GMDS: variants seen among roughly 807,000 people sequenced by gnomAD.
The protein encoded by GMDS is GDP-mannose 4,6 dehydratase.
A neutral mutation model predicts 49.9 loss-of-function variants in GMDS; 20 were observed. That is an observed-to-expected ratio of 0.40 (90% CI 0.28 to 0.58). GMDS has a LOEUF of 0.58. Among genes scored for constraint, GMDS ranks in the 20% least tolerant of loss-of-function variants. The pLI is 0.42. For synonymous variants in GMDS, 177 were observed against 178.6 expected (o/e 0.99, Z 0.07); for missense variants, 362 against 481.4 (o/e 0.75, Z 2.32).
At chr6:2,198,156 C>G (rs1440107066) in intron 1 of GMDS, among the ~76,000 whole-genome samples, 1 of 152,122 alleles carries the variant, frequency 6.6e-6, no homozygotes, top group Non-Finnish European at 1.5e-5. Flanking sequence ...CCAGGACCAG[C>G]CAATGAGAAA....
At chr6:1,649,193 C>T (rs1763577716) in intron 9 of GMDS, among the ~76,000 whole-genome samples, 1 of 152,152 alleles carries the variant, frequency 6.6e-6, no homozygotes, top group Non-Finnish European at 1.5e-5. Flanking sequence ...TGGAATAATA[C>T]TGTGATGTAC....
intron 9 of GMDS, among the ~76,000 whole-genome samples, chr6:1,695,528 T>C (rs1289795778): frequency 6.6e-6 from 1 of 152,214 alleles, no homozygotes; most frequent in Non-Finnish European, 1.5e-5. Context: ...ATTTTCTGTA[T>C]GTTATATTGG....
intron 7 of GMDS, among the ~76,000 whole-genome samples, chr6:1,750,472 C>T (rs556090399): frequency 2.4e-4 from 36 of 152,166 alleles, no homozygotes; most frequent in African/African-American, 7.2e-4. Flanking sequence ...ACATGGGAAG[C>T]GCAAGGGGTT....
intron 9 of GMDS, among the ~76,000 whole-genome samples, chr6:1,657,183 T>C (rs954904364): frequency 6.6e-6 from 1 of 152,202 alleles, no homozygotes; most frequent in African/African-American, 2.4e-5. Context: ...ACTAGACTAC[T>C]GACAAGCATG....
chr6:2,154,863 C>A (rs57383016), intron 1 of GMDS, among the ~76,000 whole-genome samples: 10,797 of 65,412 alleles, frequency 0.17, 1,973 homozygotes, highest in African/African-American at 0.47. Flanking sequence ...TGAAGAGATG[C>A]AAAAAAAAAA....
intron 7 of GMDS, among the ~76,000 whole-genome samples, chr6:1,877,827 T>C (rs994243653): frequency 4.6e-5 from 7 of 152,112 alleles, no homozygotes; most frequent in Admixed American, 4.6e-4. Context: ...TTCTGAGAGA[T>C]GCTTCATTTG....
intron 7 of GMDS, among the ~76,000 whole-genome samples, chr6:1,743,569 T>C (rs1460091578): frequency 6.6e-6 from 1 of 151,418 alleles, no homozygotes; most frequent in African/African-American, 2.4e-5. Flanking sequence ...AATGGATGTC[T>C]ATACAGGTTC....
chr6:1,768,621 G>T (rs1239174461), intron 7 of GMDS, among the ~76,000 whole-genome samples: 2 of 152,178 alleles, frequency 1.3e-5, no homozygotes, highest in Non-Finnish European at 2.9e-5. Context: ...TCCAAAATCT[G>T]AACTTTTTGA....
At chr6:2,159,241 G>A (rs1023512138) in intron 1 of GMDS, among the ~76,000 whole-genome samples, 1 of 152,064 alleles carries the variant, frequency 6.6e-6, no homozygotes, top group African/African-American at 2.4e-5. Context: ...GAGGGGTACC[G>A]ACCTCCTGTG....
rs544648 is a variant in GMDS, at chr6:2,061,712, C to T, written c.345+54059G>A. Among the ~76,000 whole-genome samples, 8 of 95,854 alleles carry T rather than the reference C, an allele frequency of 8.3e-5. No individual in the cohort carries two copies. The East Asian group carries it at 2.5e-3, about 30-fold the overall frequency. The allele number at this position is 95,854 out of a possible 152,430, so 62.9% of individuals were successfully genotyped here. The stretch of plus-strand genomic sequence containing the variant: ...CCAGCCTGGGTGACAGTGCAAGACT[C>T]TGTCTCAAAAAAAAAAAAAAAAAAA... On this transcript the variant is annotated intron_variant, in intron 4 of 10. Coordinates refer to ENST00000380815, the MANE Select transcript of GMDS (RefSeq NM_001500.4).
rs234946 is a variant in GMDS at position 2,198,518 on chromosome 6, T to C, written c.102+46803A>G. Among the ~76,000 whole-genome samples the C allele has an allele frequency of 1.6e-3, 240 of 152,024 alleles. 1 individual carries two copies. The highest frequency in any genetic ancestry group is 5.6e-3 in the African/African-American group (232 of 41,458). ...CAAAAGGTCCAAGTTTATATGAGTTTTTAATCATGTTCCAGAGATCACTGG... is the reference window on the plus strand; with the variant it reads ...CAAAAGGTCCAAGTTTATATGAGTTCTTAATCATGTTCCAGAGATCACTGG... On this transcript the variant is annotated intron_variant, in intron 1 of 10. Transcript: ENST00000380815.
At chr6:2,065,471 C>T (rs1404588751) in intron 4 of GMDS, among the ~76,000 whole-genome samples, 4 of 152,102 alleles carry the variant, frequency 2.6e-5, no homozygotes, top group African/African-American at 7.2e-5. Context: ...CAAATTACTC[C>T]GAGTTACAAG....
At chr6:1,806,512 G>A (rs947627078) in intron 7 of GMDS, among the ~76,000 whole-genome samples, 4 of 151,602 alleles carry the variant, frequency 2.6e-5, no homozygotes, top group Non-Finnish European at 5.9e-5. Flanking sequence ...AATGAGACCC[G>A]AGTCTGTAGG....
At chr6:2,067,824 T>A (rs2127455451) in intron 4 of GMDS, among the ~76,000 whole-genome samples, 1 of 152,328 alleles carries the variant, frequency 6.6e-6, no homozygotes, top group East Asian at 1.9e-4. Flanking sequence ...ACAGCCGAAT[T>A]CTACCAGAGG....
chr6:1,770,939 G>T (rs747642948), intron 7 of GMDS, among the ~76,000 whole-genome samples: 3 of 152,212 alleles, frequency 2.0e-5, no homozygotes, highest in Non-Finnish European at 2.9e-5. Flanking sequence ...TTTATGAAAA[G>T]TGTTATTTAA....
At chr6:1,918,893 A>C (rs1185423424) in intron 7 of GMDS, among the ~76,000 whole-genome samples, 1 of 152,246 alleles carries the variant, frequency 6.6e-6, no homozygotes, top group African/African-American at 2.4e-5. Flanking sequence ...CTCAACCAGA[A>C]AGAAAGGTGC....
At chr6:1,859,539 ACCTTTG>A (rs1315776293) in intron 7 of GMDS, among the ~76,000 whole-genome samples, 1 of 152,152 alleles carries the variant, frequency 6.6e-6, no homozygotes, top group Non-Finnish European at 1.5e-5. Flanking sequence ...TGCACTTCAA[ACCTTTG>A]CCTTTTTTGG....
chr6:2,144,563 T>C (rs1289336267), intron 1 of GMDS, among the ~76,000 whole-genome samples: 1 of 152,194 alleles, frequency 6.6e-6, no homozygotes, highest in South Asian at 2.1e-4. Flanking sequence ...AAGGGAATAC[T>C]GCTTCCTGAA....
chr6:1,629,528 G>A (rs1762936079), intron 9 of GMDS, among the ~76,000 whole-genome samples: 1 of 152,202 alleles, frequency 6.6e-6, no homozygotes, highest in African/African-American at 2.4e-5. Context: ...TGCAGGCAGT[G>A]GAGAGGAAGT....
Sources: gnomAD v4.1 joint callset for allele counts (sites outside exome capture counted in the v4.1 genomes callset) on GRCh38, gnomAD v4.1.1 for gene constraint, MANE v1.5 for transcripts, NCBI Gene and HGNC (gene_info 2026-07-23, HGNC 2026-07-21) for gene names.